Variants in OAS2 observed in about 807,000 individuals in gnomAD.
OAS2 encodes the protein 2'-5'-oligoadenylate synthase 2.
In OAS2, 67 loss-of-function variants were observed where a neutral mutation model predicts 71.3. The ratio of observed to expected loss-of-function variants is 0.94; its 90% CI spans 0.77 to 1.15. The LOEUF is 1.15. OAS2 is among the 50% of genes most tolerant of loss of function. The pLI is 0.00. For missense variants in OAS2, 789 were observed against 822.5 expected (o/e 0.96, Z 0.50); for synonymous variants, 327 against 321.8 (o/e 1.02, Z -0.17).
At chr12:112,982,966 T>C (rs1018248834) in intron 1 of OAS2, among the ~76,000 whole-genome samples, 4 of 152,306 alleles carry the variant, frequency 2.6e-5, no homozygotes, top group Admixed American at 1.3e-4. Context: ...TCACATGTAG[T>C]TGTTCATCAT....
At chr12:113,003,726 TTC>T (rs1241719815) in intron 6 of OAS2, among the ~76,000 whole-genome samples, 1 of 152,236 alleles carries the variant, frequency 6.6e-6, no homozygotes, top group Non-Finnish European at 1.5e-5. Flanking sequence ...GCTGACATGT[TTC>T]TCTCTGTTTA....
chr12:112,979,448 C>T (rs2136372880), intron 1 of OAS2, among the ~76,000 whole-genome samples: 1 of 152,322 alleles, frequency 6.6e-6, no homozygotes, highest in African/African-American at 2.4e-5. Flanking sequence ...TTGCACACAT[C>T]CGCTAGTGCC....
rs180814399 is a variant in OAS2 at position 112,992,928 on chromosome 12, G to C, written c.449-2368G>C. Among the ~76,000 whole-genome samples the C allele has an allele frequency of 2.6e-5, 4 of 152,278 alleles. No homozygotes were observed. In the East Asian group the frequency reaches 7.7e-4, roughly 29 times the overall value. On this transcript the variant is annotated intron_variant, in intron 2 of 9. Coordinates refer to ENST00000392583, the MANE Select transcript of OAS2 (RefSeq NM_002535.3). ...AGTGCCATGCTGGGAGACCTGGCCA[G>C]AGCGCCCTCTACTGGGTTCACCCCA...
At position 113,005,024 on chromosome 12, in the gene OAS2, CA is replaced by C. The variant is rs781171419; in HGVS notation, c.1277del (p.Asn426ThrfsTer14). 1.2e-6 allele frequency: 2 copies of C among 1,614,058 alleles called. No individual in the cohort carries two copies. The highest frequency in any genetic ancestry group is 1.1e-5 in the South Asian group (1 of 91,064). On this transcript the variant is annotated frameshift_variant, in exon 7 of 10. Transcript: ENST00000392583. LOFTEE classifies it high-confidence loss of function. ...FHNSLKSYTS[Q>X]KNERHKIVKE... ...TAACTCACTTAAAAGCTACACCTCC[CA>C]AAAAAACGAGCGGCACAAAATCGTC...
Position 113,009,679 on chromosome 12 carries a change from G to T in OAS2, c.*424G>T. On this transcript the variant is annotated 3_prime_UTR_variant, in exon 10 of 10. Transcript: ENST00000392583. ...GCAATCCAAGCAGGAAGAAGGAAAA[G>T]ATACCCAAAGGTCAAGAACACAGTG... 4 of 989,772 alleles carry T rather than the reference G, an allele frequency of 4.0e-6. No individual in the cohort carries two copies. The highest frequency in any genetic ancestry group is 4.8e-6 in the Non-Finnish European group (4 of 833,068). The allele number at this position is 989,772 out of a possible 1,614,324, so 61.3% of individuals were successfully genotyped here. A position where few individuals can be genotyped will look rare whatever the true frequency, so the allele number is the denominator to read the frequency against.
chr12:112,988,011 C>G (rs998563874), intron 2 of OAS2: 1 of 985,306 alleles, frequency 1.0e-6, no homozygotes, highest in African/African-American at 1.7e-5. Flanking sequence ...AAGCAAGTAG[C>G]TAGGCACTCA....
Position 113,010,488 on chromosome 12 carries a change from T to A in OAS2, c.*1233T>A. ...TAATTCTAAAAGAAACTTCTAGAGA[T>A]CATCTGGCAATCGCTTTTAAAGACT... On this transcript the variant is annotated 3_prime_UTR_variant, in exon 10 of 10. Transcript: ENST00000392583. The A allele has an allele frequency of 6.2e-7, 1 of 1,611,780 alleles. No individual in the cohort carries two copies. The highest frequency in any genetic ancestry group is 8.5e-7 in the Non-Finnish European group (1 of 1,179,538).
intron 1 of OAS2, among the ~76,000 whole-genome samples, chr12:112,980,487 C>A (rs939805967): frequency 6.6e-6 from 1 of 152,124 alleles, no homozygotes; most frequent in Non-Finnish European, 1.5e-5. Flanking sequence ...TAAACACATG[C>A]AATATTGTCT....
At position 113,011,518 on chromosome 12, in the gene OAS2, A is replaced by G. The variant is rs2044380351; in HGVS notation, c.*2263A>G. On this transcript the variant is annotated 3_prime_UTR_variant, in exon 10 of 10. Transcript: ENST00000392583. ...TAAGCAATGCTGCCTATGTAAAGAAACCCCAATAAAAACTCTGGACAGTGA... is the reference window on the plus strand; with the variant it reads ...TAAGCAATGCTGCCTATGTAAAGAAGCCCCAATAAAAACTCTGGACAGTGA... 1.3e-5 allele frequency: 2 copies of G among 152,090 alleles called. No individual in the cohort carries two copies. The highest frequency in any genetic ancestry group is 1.3e-4 in the Admixed American group (2 of 15,268). 9.4% of individuals were successfully genotyped at this position (152,090 alleles called of 1,614,324 possible).
rs762343197 is a variant in OAS2 at position 113,009,262 on chromosome 12, C to T, written c.*7C>T. On this transcript the variant is annotated 3_prime_UTR_variant, in exon 10 of 10. Coordinates refer to ENST00000392583, the MANE Select transcript of OAS2 (RefSeq NM_002535.3). ...GCCGGTAAAAGTCATCTAAAGGAGG[C>T]GTTGTCTGGAAATAGCCCTGTAACA... 121 of 1,612,804 alleles carry T rather than the reference C, an allele frequency of 7.5e-5. No individual in the cohort carries two copies. The highest frequency in any genetic ancestry group is 1.3e-4 in the East Asian group (6 of 44,854).
rs2044253999 is a variant in OAS2 at position 112,998,300 on chromosome 12, A to T, written c.898A>T (p.Asn300Tyr). 1 of 1,612,870 alleles carries T rather than the reference A, an allele frequency of 6.2e-7. No homozygotes were observed. The highest frequency in any genetic ancestry group is 2.2e-5 in the East Asian group (1 of 44,812). ...VILDPVDPTN[N>Y]VSGDKICWQW... ...CTTGGATCCAGTTGACCCAACCAAT[A>T]ATGTGAGTGGAGATAAAATATGCTG... Residue 300 changes from asparagine (N) to tyrosine (Y), a missense_variant, in exon 5 of 10, where the codon AAT (asparagine) becomes TAT (tyrosine). Coordinates refer to ENST00000392583, the MANE Select transcript of OAS2 (RefSeq NM_002535.3).
chr12:113,009,178 T>G lies in OAS2; in HGVS notation c.1987T>G (p.Trp663Gly). 6.2e-7 allele frequency: 1 copy of G among 1,614,088 alleles called. No homozygotes were observed. Among genetic ancestry groups the G allele is most frequent in the Non-Finnish European group, 8.5e-7 (1 of 1,180,008 alleles). The change falls in exon 10 of 10, where the codon TGG (tryptophan) becomes GGG (glycine). Residue 663 changes from tryptophan (W) to glycine (G), a missense_variant. Coordinates refer to ENST00000392583, the MANE Select transcript of OAS2 (RefSeq NM_002535.3). ...TCTTCTGGCAAAAGAAGCAAAGGAATGGTTATCCTCTCCCTGCTTCAAGGA... is the reference window on the plus strand; with the variant it reads ...TCTTCTGGCAAAAGAAGCAAAGGAAGGGTTATCCTCTCCCTGCTTCAAGGA... ...WHLLAKEAKEWLSSPCFKDGT... is the reference protein window; with the variant it reads ...WHLLAKEAKEGLSSPCFKDGT...
chr12:112,991,531 C>T (rs200003209), intron 2 of OAS2, among the ~76,000 whole-genome samples: 2 of 93,652 alleles, frequency 2.1e-5, no homozygotes, highest in East Asian at 5.0e-3. Flanking sequence ...TCCGGAAAGG[C>T]GGGACAACTC....
intron 5 of OAS2, 125 bp downstream of exon 5, chr12:112,998,535 C>A (rs1271384977): frequency 1.9e-6 from 2 of 1,075,290 alleles, no homozygotes; most frequent in South Asian, 1.5e-5. Flanking sequence ...AGTTCCACAA[C>A]ACAGATGGCT....
intron 8 of OAS2, 139 bp from the exon 9 acceptor site, chr12:113,007,566 T>C: frequency 1.4e-6 from 1 of 725,864 alleles, no homozygotes; most frequent in Non-Finnish European, 2.4e-6. Flanking sequence ...CTGTAGGCTG[T>C]ACAATTTAGA....
chr12:112,985,030 A>G (rs773049486), intron 1 of OAS2, among the ~76,000 whole-genome samples: 5 of 152,178 alleles, frequency 3.3e-5, no homozygotes, highest in Non-Finnish European at 7.3e-5. Context: ...TAGTCTGAGG[A>G]GAATTCCCTT....
At chr12:112,983,223 T>A (rs1191945024) in intron 1 of OAS2, among the ~76,000 whole-genome samples, 3 of 152,170 alleles carry the variant, frequency 2.0e-5, no homozygotes, top group African/African-American at 7.2e-5. Flanking sequence ...TGGTTTATTC[T>A]TGCTTTTTTG....
intron 6 of OAS2, 91 bp from the exon 7 acceptor site, chr12:113,004,843 G>A: frequency 1.5e-6 from 2 of 1,328,512 alleles, no homozygotes; most frequent in Non-Finnish European, 2.1e-6. Flanking sequence ...CTTGGAAACA[G>A]TGTCAGTTAG....
intron 2 of OAS2, among the ~76,000 whole-genome samples, chr12:112,989,821 T>A (rs1296372): frequency 6.6e-6 from 1 of 151,938 alleles, no homozygotes; most frequent in Non-Finnish European, 1.5e-5. Flanking sequence ...TGACTGGGGG[T>A]GCTTAGAATT....
Sources: gnomAD v4.1 joint callset for allele counts (sites outside exome capture counted in the v4.1 genomes callset) on GRCh38, gnomAD v4.1.1 for gene constraint, MANE v1.5 for transcripts, NCBI Gene and HGNC (gene_info 2026-07-23, HGNC 2026-07-21) for gene names.